NRXN3: variants seen among roughly 807,000 people sequenced by gnomAD.
NRXN3 encodes neurexin 3, also known as neurexin III.
In NRXN3, 32 loss-of-function variants were observed where a neutral mutation model predicts 137.6. The observed-to-expected ratio is 0.23, with a 90% confidence interval of 0.18 to 0.31. The LOEUF (loss-of-function observed/expected upper bound fraction) is 0.31, where lower values mean the gene tolerates loss of function less well. NRXN3 is among the 10% of genes least tolerant of loss of function. The pLI, the probability that NRXN3 is intolerant of heterozygous loss-of-function variation, is 1.00. For missense variants in NRXN3, 1,574 were observed against 2,062.5 expected (o/e 0.76, Z 4.59); for synonymous variants, 798 against 784.5 (o/e 1.02, Z -0.29).
intron 4 of NRXN3, among the ~76,000 whole-genome samples, chr14:78,634,763 C>T (rs1214302744): frequency 6.6e-6 from 1 of 152,124 alleles, no homozygotes; most frequent in African/African-American, 2.4e-5. Flanking sequence ...TTTCTGTATA[C>T]ATATTTCTTA....
chr14:79,644,885 A>G (rs1242301644), intron 16 of NRXN3, among the ~76,000 whole-genome samples: 1 of 135,872 alleles, frequency 7.4e-6, no homozygotes, highest in African/African-American at 2.4e-5. Flanking sequence ...ACCATTTTTG[A>G]AATAAGAAAA....
chr14:79,260,895 A>G (rs7153957), intron 15 of NRXN3, among the ~76,000 whole-genome samples: 41,263 of 152,054 alleles, frequency 0.27, 6,742 homozygotes, highest in Admixed American at 0.43. Context: ...ATGTATTTGG[A>G]ATTTTAGGTT....
chr14:78,343,565 A>G (rs1393344500), intron 4 of NRXN3, among the ~76,000 whole-genome samples: 1 of 152,206 alleles, frequency 6.6e-6, no homozygotes, highest in African/African-American at 2.4e-5. Flanking sequence ...TGTGAAATAG[A>G]ATTTTAAGGG....
chr14:78,757,459 C>G (rs2098674258), intron 8 of NRXN3, among the ~76,000 whole-genome samples: 1 of 151,158 alleles, frequency 6.6e-6, no homozygotes, highest in Non-Finnish European at 1.5e-5. Context: ...AATCATGTAC[C>G]TCCCATGTGC....
At chr14:78,244,148 G>A (rs574234586) in intron 2 of NRXN3, among the ~76,000 whole-genome samples, 3 of 152,242 alleles carry the variant, frequency 2.0e-5, no homozygotes, top group South Asian at 4.1e-4. Context: ...TGGGAATTTC[G>A]GCTAGGCAAG....
chr14:78,907,635 A>G (rs906357734), intron 10 of NRXN3, among the ~76,000 whole-genome samples: 2 of 152,046 alleles, frequency 1.3e-5, no homozygotes, highest in Middle Eastern at 3.2e-3. Flanking sequence ...ACATAATAAG[A>G]AGAACATATT....
intron 2 of NRXN3, among the ~76,000 whole-genome samples, chr14:78,253,944 C>T (rs1441288994): frequency 6.6e-6 from 1 of 152,108 alleles, no homozygotes; most frequent in Non-Finnish European, 1.5e-5. Flanking sequence ...CATTGGTCCT[C>T]ATTCTATTTA....
intron 8 of NRXN3, among the ~76,000 whole-genome samples, chr14:78,757,448 C>A (rs1028037612): frequency 6.7e-6 from 1 of 149,636 alleles, no homozygotes; most frequent in Non-Finnish European, 1.5e-5. Flanking sequence ...AATTAATTAG[C>A]AATCATGTAC....
intron 2 of NRXN3, among the ~76,000 whole-genome samples, chr14:78,246,630 G>C (rs934590780): frequency 6.6e-5 from 10 of 152,184 alleles, no homozygotes; most frequent in Admixed American, 2.6e-4. Flanking sequence ...TTGTCATCAA[G>C]TCTAATCAAT....
chr14:79,505,227 A>G (rs1228300270), intron 16 of NRXN3, among the ~76,000 whole-genome samples: 1 of 152,002 alleles, frequency 6.6e-6, no homozygotes, highest in Non-Finnish European at 1.5e-5. Context: ...AAAAAAAAAA[A>G]AAAAGGTGTG....
intron 10 of NRXN3, among the ~76,000 whole-genome samples, chr14:78,921,562 T>C (rs2152824231): frequency 6.6e-6 from 1 of 152,312 alleles, no homozygotes; most frequent in East Asian, 1.9e-4. Context: ...CTCATCTTTT[T>C]GACATGGTGA....
intron 1 of NRXN3, among the ~76,000 whole-genome samples, chr14:78,220,276 A>G (rs561459665): frequency 6.6e-6 from 1 of 152,246 alleles, no homozygotes; most frequent in East Asian, 1.9e-4. Flanking sequence ...ATGGAGCTCC[A>G]GGGACCCTGA....
intron 8 of NRXN3, among the ~76,000 whole-genome samples, chr14:78,770,928 T>A (rs958279973): frequency 6.6e-6 from 1 of 152,244 alleles, no homozygotes; most frequent in Non-Finnish European, 1.5e-5. Flanking sequence ...TAACTTTCTC[T>A]TTCATTGTTG....
Position 78,334,980 on chromosome 14 carries a change from T to G in NRXN3, c.757+37120T>G, listed in dbSNP as rs116181127. Among the ~76,000 whole-genome samples, 1,165 of 152,194 alleles carry G rather than the reference T, an allele frequency of 7.7e-3. 10 individuals carry two copies. Among genetic ancestry groups the G allele is most frequent in the African/African-American group, 0.027 (1,114 of 41,518 alleles). On this transcript the variant is annotated intron_variant, in intron 4 of 20. Coordinates refer to ENST00000335750, the MANE Select transcript of NRXN3 (RefSeq NM_001330195.2). The stretch of plus-strand genomic sequence containing the variant: ...TCGCTCTCCATGAAGGAAACAGGAA[T>G]GGGGAGGTGGATTGAAGGTGGGTAC...
At chr14:79,667,043 C>A (rs996067001) in intron 17 of NRXN3, among the ~76,000 whole-genome samples, 1 of 151,772 alleles carries the variant, frequency 6.6e-6, no homozygotes, top group Non-Finnish European at 1.5e-5. Context: ...TCTCTGCTTC[C>A]CTGTGCTATT....
intron 4 of NRXN3, among the ~76,000 whole-genome samples, chr14:78,330,639 T>A (rs11627634): frequency 0.15 from 22,809 of 152,168 alleles, 1,906 homozygotes; most frequent in East Asian, 0.38. Context: ...GCCATAGTGC[T>A]GAAAGCCATT....
intron 19 of NRXN3, among the ~76,000 whole-genome samples, chr14:79,727,976 C>T (rs1603450970): frequency 6.6e-6 from 1 of 152,252 alleles, no homozygotes; most frequent in South Asian, 2.1e-4. Flanking sequence ...TTCTGCAAGG[C>T]ACCTCTTGGC....
At chr14:78,824,036 G>GGA (rs755766701) in intron 10 of NRXN3, among the ~76,000 whole-genome samples, 7 of 151,816 alleles carry the variant, frequency 4.6e-5, no homozygotes, top group African/African-American at 1.7e-4. Context: ...CTGTAAAGAG[G>GGA]GAGAGAGAGT....
At chr14:78,778,751 CTTCTTTCTCTTTCTTTCTTTCT>C (rs1567285602) in intron 8 of NRXN3, among the ~76,000 whole-genome samples, 22 of 68,878 alleles carry the variant, frequency 3.2e-4, no homozygotes, top group African/African-American at 1.3e-3. Context: ...TCTTTCTTTC[CTTCTTTCTCTTTCTTTCTTTCT>C]TTCTTTCTTT....
Sources: gnomAD v4.1 joint callset for allele counts (sites outside exome capture counted in the v4.1 genomes callset) on GRCh38, gnomAD v4.1.1 for gene constraint, MANE v1.5 for transcripts, NCBI Gene and HGNC (gene_info 2026-07-23, HGNC 2026-07-21) for gene names.